The following HIPK2 variants were observed in gnomAD, a reference collection of about 807,000 sequenced individuals.
The protein encoded by HIPK2 is homeodomain-interacting protein kinase 2.
In HIPK2, 27 loss-of-function variants were observed where a neutral mutation model predicts 113.7. The observed-to-expected ratio is 0.24, with a 90% CI of 0.17 to 0.33. HIPK2 has a LOEUF of 0.33. Ranked by LOEUF, HIPK2 falls within the 10% of genes least tolerant of loss-of-function variation. The pLI, the probability that HIPK2 is intolerant of heterozygous loss-of-function variation, is 1.00. For synonymous variants in HIPK2, 631 were observed against 642.2 expected, an observed-to-expected ratio of 0.98 and a Z score of 0.26; for missense variants, 1,257 against 1,588.0, an observed-to-expected ratio of 0.79 and a Z score of 3.54.
In HIPK2 at chr7:139,631,641, C is replaced by T. The variant is rs771811740; in HGVS notation, c.1188G>A (p.Leu396=). 1 of 1,613,992 alleles carries T rather than the reference C, an allele frequency of 6.2e-7. No homozygotes were observed. The change falls in exon 3 of 15, where the codon CTG becomes CTA. Residue 396 remains leucine, a synonymous_variant. Coordinates refer to ENST00000406875, the MANE Select transcript of HIPK2 (RefSeq NM_022740.5). The surrounding 1 kb of genome is among the most constrained non-coding windows in gnomAD (Gnocchi z 4.9). ...SLGCVIAELF[L]GWPLYPGASE... ...AAGCTCCTGGATATAACGGCCAACC[C>T]AGGAACAATTCTGCAATAACACAGC...
intron 2 of HIPK2, among the ~76,000 whole-genome samples, chr7:139,680,407 T>A (rs1254956434): frequency 6.6e-6 from 1 of 152,254 alleles, no homozygotes; most frequent in East Asian, 1.9e-4. Flanking sequence ...AAGTCAACTC[T>A]GGTTTTGGGA....
At chr7:139,725,656 C>T (rs143880174) in intron 1 of HIPK2, among the ~76,000 whole-genome samples, 10 of 152,310 alleles carry the variant, frequency 6.6e-5, no homozygotes, top group African/African-American at 2.4e-4. Context: ...TTTCTCCTTT[C>T]GCCTTCTCTC....
intron 4 of HIPK2, among the ~76,000 whole-genome samples, chr7:139,629,352 T>C (rs1057387755): frequency 3.3e-5 from 5 of 152,232 alleles, no homozygotes; most frequent in African/African-American, 1.2e-4. Flanking sequence ...GTCTAAGGAA[T>C]AAGGCAAGAT....
At chr7:139,633,025 G>T (rs1286498715) in intron 2 of HIPK2, among the ~76,000 whole-genome samples, 3 of 150,626 alleles carry the variant, frequency 2.0e-5, no homozygotes, top group Admixed American at 2.0e-4. Context: ...GGACCCGGGA[G>T]GTGGAGGTTG....
chr7:139,624,622 A>G (rs796238379), intron 6 of HIPK2, among the ~76,000 whole-genome samples: 5 of 152,284 alleles, frequency 3.3e-5, no homozygotes, highest in African/African-American at 1.2e-4. Context: ...TGACTATGAT[A>G]ACCCTTCTCT....
At chr7:139,643,384 AC>A (rs1214536968) in intron 2 of HIPK2, among the ~76,000 whole-genome samples, 1 of 105,090 alleles carries the variant, frequency 9.5e-6, no homozygotes, top group African/African-American at 6.2e-5. Context: ...TACTAAATAC[AC>A]ACACACACAC....
intron 2 of HIPK2, among the ~76,000 whole-genome samples, chr7:139,697,058 T>C (rs969346441): frequency 2.6e-5 from 4 of 152,190 alleles, no homozygotes; most frequent in Admixed American, 2.6e-4. Flanking sequence ...CCACAGACTT[T>C]AGAATTATTG....
intron 7 of HIPK2, among the ~76,000 whole-genome samples, chr7:139,615,632 T>A (rs1359285167): frequency 2.6e-5 from 4 of 152,220 alleles, no homozygotes; most frequent in African/African-American, 9.7e-5. Context: ...ACAAGAGGTT[T>A]TGCCTCTAGA....
intron 1 of HIPK2, among the ~76,000 whole-genome samples, chr7:139,739,328 C>T (rs1796032348): frequency 6.6e-6 from 1 of 152,170 alleles, no homozygotes; most frequent in South Asian, 2.1e-4. Flanking sequence ...TGGCTCATGC[C>T]TGTAATCCCG....
chr7:139,707,598 G>C (rs1380043873), intron 2 of HIPK2, among the ~76,000 whole-genome samples: 1 of 152,248 alleles, frequency 6.6e-6, no homozygotes, highest in Non-Finnish European at 1.5e-5. Context: ...GGACAGTGGG[G>C]GCTGGCTGTC....
rs755017265 is a variant in HIPK2 at position 139,575,219 on chromosome 7, T to C, written c.3035A>G (p.His1012Arg). Residue 1012 changes from histidine (H) to arginine (R), a missense_variant, in exon 14 of 15, where the codon CAC (histidine) becomes CGC (arginine). This residue lies in a region of HIPK2 where 862 missense variants were observed against 1,004.3 expected (regional missense o/e 0.86). Coordinates refer to ENST00000406875, the MANE Select transcript of HIPK2 (RefSeq NM_022740.5). The stretch of plus-strand genomic sequence containing the variant: ...GGCTCCAGATGAGCTCCCTGAAGAG[T>C]GACCGCTGGTGGAGGTCACGTTGCT... ...SSSNVTSTSGHSSGSSSGAIT... is the reference protein window; with the variant it reads ...SSSNVTSTSGRSSGSSSGAIT... The C allele has an allele frequency of 1.3e-6, 2 of 1,582,836 alleles. No individual in the cohort carries two copies. Among genetic ancestry groups the C allele is most frequent in the Non-Finnish European group, 1.7e-6 (2 of 1,164,726 alleles).
chr7:139,586,324 G>A (rs1798829996), intron 12 of HIPK2, among the ~76,000 whole-genome samples: 1 of 151,958 alleles, frequency 6.6e-6, no homozygotes, highest in African/African-American at 2.4e-5. Flanking sequence ...ATTCTCAAAG[G>A]ATTGGAAACA....
intron 1 of HIPK2, among the ~76,000 whole-genome samples, chr7:139,730,820 C>T (rs1262284928): frequency 6.6e-6 from 1 of 152,154 alleles, no homozygotes; most frequent in African/African-American, 2.4e-5. Context: ...TTAAGGTGAG[C>T]CGTAATCCCA....
At chr7:139,639,459 C>A (rs747251510) in intron 2 of HIPK2, among the ~76,000 whole-genome samples, 21 of 152,170 alleles carry the variant, frequency 1.4e-4, no homozygotes, top group Non-Finnish European at 1.6e-4. Flanking sequence ...TGCTAAAGAT[C>A]AAAAAGTAAA....
In HIPK2 at chr7:139,620,514, T is replaced by C. The variant is rs777565233; in HGVS notation, c.1669A>G (p.Met557Val). 2.5e-6 allele frequency: 4 copies of C among 1,614,138 alleles called. No individual in the cohort carries two copies. The highest frequency in any genetic ancestry group is 4.5e-5 in the East Asian group (2 of 44,870). Reference protein sequence around the residue: ...NMEICKRRVNMYDTVNQSKTP... With the variant: ...NMEICKRRVNVYDTVNQSKTP... Reference sequence around the variant, plus strand: ...TTGCTCTGGTTCACCGTGTCATACATATTCACCCGACGCTTGCAGATCTCC... The same window carrying C: ...TTGCTCTGGTTCACCGTGTCATACACATTCACCCGACGCTTGCAGATCTCC... The change falls in exon 7 of 15, where the codon ATG (methionine) becomes GTG (valine). Residue 557 changes from methionine to valine, a missense_variant. This residue lies in a region of HIPK2 where 862 missense variants were observed against 1,004.3 expected (regional missense o/e 0.86). Coordinates refer to ENST00000406875, the MANE Select transcript of HIPK2 (RefSeq NM_022740.5).
At position 139,584,030 on chromosome 7, in the gene HIPK2, A is replaced by G; in HGVS notation, c.2752T>C (p.Cys918Arg). Residue 918 changes from cysteine (C) to arginine (R), a missense_variant, in exon 13 of 15, where the codon TGT becomes CGT. Physicochemically the swap from Cys to Arg is radical, Grantham distance 180. This residue lies in a region of HIPK2 where 862 missense variants were observed against 1,004.3 expected (regional missense o/e 0.86). Coordinates refer to ENST00000406875, the MANE Select transcript of HIPK2 (RefSeq NM_022740.5). ...TAGGGGGAGTCGTGGACTGTGACAC[A>G]GCTGATGACGTTTTTTCTTTGCTTG... ...VSKQRKNVIS[C>R]VTVHDSPYSD... 1 of 1,606,278 alleles carries G rather than the reference A, an allele frequency of 6.2e-7. No individual in the cohort carries two copies. Among genetic ancestry groups the G allele is most frequent in the East Asian group, 2.2e-5 (1 of 44,740 alleles).
intron 2 of HIPK2, among the ~76,000 whole-genome samples, chr7:139,635,818 TC>T (rs1800793410): frequency 6.6e-6 from 1 of 152,038 alleles, no homozygotes; most frequent in South Asian, 2.1e-4. Context: ...CACCACATGC[TC>T]TAGCGGCTCC....
At chr7:139,697,470 T>C (rs1794598202) in intron 2 of HIPK2, among the ~76,000 whole-genome samples, 2 of 152,198 alleles carry the variant, frequency 1.3e-5, no homozygotes. Flanking sequence ...ACTCTCATTC[T>C]ACCTGGCATC....
At chr7:139,733,814 A>G (rs1005163068) in intron 1 of HIPK2, among the ~76,000 whole-genome samples, 1 of 152,226 alleles carries the variant, frequency 6.6e-6, no homozygotes, top group African/African-American at 2.4e-5. Flanking sequence ...CGCAAGAAGT[A>G]GCATTCTCAG....
Sources: gnomAD v4.1 joint callset for allele counts (sites outside exome capture counted in the v4.1 genomes callset) on GRCh38, gnomAD v4.1.1 for gene constraint, gnomAD v4.1.1 regional missense constraint, Gnocchi (gnomAD v3.1) non-coding constraint, MANE v1.5 for transcripts, NCBI Gene and HGNC (gene_info 2026-07-23, HGNC 2026-07-21) for gene names.